Variants in BPTF observed in about 807,000 individuals in gnomAD.
BPTF encodes the protein bromodomain PHD finger transcription factor, also known as nucleosome-remodeling factor subunit BPTF.
In BPTF, 18 loss-of-function variants were observed where a neutral mutation model predicts 292.5. That is an observed-to-expected ratio of 0.06 (90% CI 0.04 to 0.09). The LOEUF is 0.09. BPTF is among the 10% of genes least tolerant of loss of function. The pLI is 1.00. For synonymous variants in BPTF, 1,225 were observed against 1,251.9 expected, an observed-to-expected ratio of 0.98 and a Z score of 0.45; for missense variants, 2,726 against 3,498.7, an observed-to-expected ratio of 0.78 and a Z score of 5.57.
At chr17:67,881,575 C>T (rs936058599) in intron 4 of BPTF, among the ~76,000 whole-genome samples, 6 of 142,070 alleles carry the variant, frequency 4.2e-5, no homozygotes, top group African/African-American at 1.6e-4. Flanking sequence ...GATCTTATGG[C>T]TTACTGCAAC....
chr17:67,981,620 G>C (rs2070374082), intron 27 of BPTF: 1 of 1,032,028 alleles, frequency 9.7e-7, no homozygotes, highest in South Asian at 3.2e-5. Flanking sequence ...CAGCCATGTT[G>C]AACAATGTAT....
At position 67,959,759 on chromosome 17, in the gene BPTF, G is replaced by T; in HGVS notation, c.8145G>T (p.Glu2715Asp). The T allele has an allele frequency of 6.2e-7, 1 of 1,613,942 alleles. No individual in the cohort carries two copies. The highest frequency in any genetic ancestry group is 8.5e-7 in the Non-Finnish European group (1 of 1,179,986). The part of the protein sequence containing the change: ...PAASQKRKRE[E>D]EKDSSSKSKK... ...CTTCCCAGAAGAGGAAGCGGGAAGA[G>T]GAAAAAGACTCCAGCTCAAAGTCCA... is the stretch of plus-strand genomic sequence containing the variant. Residue 2715 changes from glutamate (E) to aspartate (D), a missense_variant, in exon 24 of 28, where the codon GAG (glutamate) becomes GAT (aspartate). Glu to Asp is a conservative substitution (Grantham distance 45). Transcript: ENST00000306378.
At chr17:67,852,398 T>G (rs1313009653) in intron 1 of BPTF, among the ~76,000 whole-genome samples, 2 of 152,178 alleles carry the variant, frequency 1.3e-5, no homozygotes, top group African/African-American at 4.8e-5. Context: ...AAGCAAGTAC[T>G]ATAAAAAGAT....
rs1426786507 is a variant in BPTF, at chr17:67,904,459, CTG to C, written c.2674-241_2674-240del. Among the ~76,000 whole-genome samples the C allele has an allele frequency of 3.9e-5, 6 of 152,372 alleles. No individual in the cohort carries two copies. The East Asian group carries it at 1.2e-3, about 29-fold the overall frequency. ...CCAATTTGTTGAAATTGTTATAAAA[CTG>C]TAAAATTGTGTTACATTTTACATGC... On this transcript the variant is annotated intron_variant, in intron 8 of 27. Transcript: ENST00000306378.
At chr17:67,845,645 A>G (rs2057974448) in intron 1 of BPTF, among the ~76,000 whole-genome samples, 2 of 152,032 alleles carry the variant, frequency 1.3e-5, no homozygotes, top group Non-Finnish European at 2.9e-5. Context: ...ATGGTGGTGC[A>G]TGTCTTTTGT....
intron 7 of BPTF, among the ~76,000 whole-genome samples, chr17:67,901,471 G>A (rs1228036908): frequency 1.3e-5 from 2 of 152,136 alleles, no homozygotes; most frequent in African/African-American, 4.8e-5. Context: ...GTGGAAAAAT[G>A]TTATTGTAAT....
At chr17:67,910,496 G>A (rs1454799080) in intron 10 of BPTF, among the ~76,000 whole-genome samples, 2 of 152,182 alleles carry the variant, frequency 1.3e-5, no homozygotes, top group Non-Finnish European at 2.9e-5. Context: ...TGTGGCTAGA[G>A]ATACTTTAAA....
At chr17:67,835,881 G>A (rs923447333) in intron 1 of BPTF, among the ~76,000 whole-genome samples, 2 of 152,000 alleles carry the variant, frequency 1.3e-5, no homozygotes, top group Non-Finnish European at 1.5e-5. Flanking sequence ...TAGCCAGGAT[G>A]GTCTTGATTT....
chr17:67,874,793 T>A, intron 3 of BPTF, 24 bp from the exon 4 acceptor site: 1 of 1,518,400 alleles, frequency 6.6e-7, no homozygotes, highest in Non-Finnish European at 9.0e-7. Context: ...GGAATAATTT[T>A]TTTGTTTGTT....
chr17:67,949,662 C>CAT (rs1163333672), intron 23 of BPTF, among the ~76,000 whole-genome samples: 12 of 32,698 alleles, frequency 3.7e-4, no homozygotes, highest in African/African-American at 4.2e-4. Context: ...TACACACAGA[C>CAT]ATATATATAT....
At chr17:67,886,240 A>T in intron 4 of BPTF, 2 of 1,614,120 alleles carry the variant, frequency 1.2e-6, no homozygotes. Flanking sequence ...CCCAGAGTGA[A>T]TCTGCTAAGG....
intron 23 of BPTF, among the ~76,000 whole-genome samples, chr17:67,954,472 G>T (rs2148161977): frequency 6.6e-6 from 1 of 152,166 alleles, no homozygotes; most frequent in South Asian, 2.1e-4. Context: ...ACTTCCAACA[G>T]GGAGCCGGCT....
chr17:67,957,440 A>C (rs2067065441), intron 23 of BPTF: 1 of 151,326 alleles, frequency 6.6e-6, no homozygotes, highest in Non-Finnish European at 1.5e-5. Flanking sequence ...AGTGGCTCAC[A>C]CCTGTAATCC....
intron 19 of BPTF, among the ~76,000 whole-genome samples, chr17:67,942,188 C>T (rs1220145386): frequency 2.6e-5 from 4 of 151,892 alleles, no homozygotes; most frequent in Non-Finnish European, 4.4e-5. Flanking sequence ...TGGTGGTGTA[C>T]GCCTGTAATC....
intron 26 of BPTF, among the ~76,000 whole-genome samples, chr17:67,971,795 T>C (rs902315109): frequency 2.0e-5 from 3 of 148,548 alleles, no homozygotes; most frequent in Middle Eastern, 3.4e-3. Flanking sequence ...GCCACTGCAC[T>C]TCAGCCTGGG....
At chr17:67,903,400 T>C (rs1163985105) in intron 7 of BPTF, among the ~76,000 whole-genome samples, 1 of 152,244 alleles carries the variant, frequency 6.6e-6, no homozygotes, top group African/African-American at 2.4e-5. Flanking sequence ...TATATTTTGA[T>C]AAGGAAAGAT....
At chr17:67,893,783 T>C (rs955205556) in intron 6 of BPTF, 58 bp downstream of exon 6, 7 of 1,360,894 alleles carry the variant, frequency 5.1e-6, no homozygotes, top group Non-Finnish European at 7.1e-6. Context: ...TATAAAATGA[T>C]TGTTGTAGTT....
intron 27 of BPTF, among the ~76,000 whole-genome samples, chr17:67,977,205 C>A (rs1372153594): frequency 6.6e-6 from 1 of 152,078 alleles, no homozygotes; most frequent in Non-Finnish European, 1.5e-5. Context: ...CCTTTCTTGG[C>A]AGGTATTTTT....
chr17:67,942,445 G>C (rs554839232), intron 19 of BPTF, among the ~76,000 whole-genome samples: 2 of 152,292 alleles, frequency 1.3e-5, no homozygotes, highest in East Asian at 3.9e-4. Context: ...ATGCTTAAGA[G>C]ATTGGTACAA....
Sources: allele counts gnomAD v4.1 joint callset (sites outside exome capture counted in the v4.1 genomes callset), GRCh38; gene constraint gnomAD v4.1.1; transcripts MANE v1.5; gene names NCBI Gene and HGNC (gene_info 2026-07-23, HGNC 2026-07-21).